The following CD86 variants were observed in gnomAD, a reference collection of about 807,000 sequenced individuals.
The protein encoded by CD86 is CD86 molecule.
In CD86, 11 loss-of-function variants were observed where a neutral mutation model predicts 32.1. The ratio of observed to expected loss-of-function variants is 0.34; its 90% CI spans 0.22 to 0.57. The LOEUF (loss-of-function observed/expected upper bound fraction) is 0.57. Among genes scored for constraint, CD86 ranks in the 20% least tolerant of loss-of-function variants. CD86 has a pLI of 0.86. For missense variants in CD86, 359 were observed against 398.4 expected, an observed-to-expected ratio of 0.90 and a Z score of 0.84; for synonymous variants, 137 against 135.3, an observed-to-expected ratio of 1.01 and a Z score of -0.09.
At chr3:122,055,551 G>A (rs2072221122) in intron 1 of CD86, 48 bp downstream of exon 1, 4 of 1,557,678 alleles carry the variant, frequency 2.6e-6, no homozygotes, top group Non-Finnish European at 2.7e-6. Flanking sequence ...AGTTGTGACT[G>A]CAGTGAAAGG....
rs1027791878 is a variant in CD86 at position 122,112,096 on chromosome 3, A to G, written c.847+2688A>G. Among the ~76,000 whole-genome samples, 4 of 152,114 alleles carry G rather than the reference A, an allele frequency of 2.6e-5. No individual in the cohort carries two copies. In the East Asian group the frequency reaches 5.8e-4, roughly 22 times the overall value. ...TCTTTTCCCAAACAGAAATCACCCT[A>G]TCAGCTTACCCATTGGGAGAAAAAC... On this transcript the variant is annotated intron_variant, in intron 5 of 6. Coordinates refer to ENST00000330540, the MANE Select transcript of CD86 (RefSeq NM_175862.5).
At chr3:122,102,524 T>C (rs908030853) in intron 2 of CD86, among the ~76,000 whole-genome samples, 3 of 147,060 alleles carry the variant, frequency 2.0e-5, no homozygotes, top group African/African-American at 7.5e-5. Context: ...CCCACATCCT[T>C]CCCACAAACC....
intron 3 of CD86, 145 bp downstream of exon 3, chr3:122,103,992 G>A (rs1212279373): frequency 3.1e-6 from 2 of 647,690 alleles, no homozygotes; most frequent in Non-Finnish European, 5.4e-6. Flanking sequence ...CCACTTCTGG[G>A]AAGTGCATTT....
chr3:122,055,505 T>C lies in CD86; in HGVS notation c.14+2T>C. On this transcript the variant is annotated splice_donor_variant, in intron 1 of 6. Transcript: ENST00000330540. LOFTEE classifies it high-confidence loss of function. ...AGCAGCCAAAATGGATCCCCAGTGGTGAGTAATAATTCTTATTCTTTGCAG... is the reference window on the plus strand; with the variant it reads ...AGCAGCCAAAATGGATCCCCAGTGGCGAGTAATAATTCTTATTCTTTGCAG... The C allele has an allele frequency of 6.2e-7, 1 of 1,613,858 alleles. No individual in the cohort carries two copies.
In CD86 at chr3:122,096,233, T is replaced by C. The variant is rs936793688; in HGVS notation, c.64+4583T>C. Reference sequence around the variant, plus strand: ...AGTACATGCCACCATGCCTGGCTAGTTTTTTTTGTTGTTGTTTTGTTTTGC... The same window carrying C: ...AGTACATGCCACCATGCCTGGCTAGCTTTTTTTGTTGTTGTTTTGTTTTGC... On this transcript the variant is annotated intron_variant, in intron 2 of 6. Transcript: ENST00000330540. Among the ~76,000 whole-genome samples the C allele has an allele frequency of 5.9e-5, 9 of 151,776 alleles. No homozygotes were observed. In the South Asian group the frequency reaches 1.0e-3, roughly 18 times the overall value.
chr3:122,062,744 C>T (rs991705136), intron 1 of CD86, among the ~76,000 whole-genome samples: 4 of 152,144 alleles, frequency 2.6e-5, no homozygotes, highest in Non-Finnish European at 5.9e-5. Flanking sequence ...TCAGTGTCCT[C>T]TGTAAGATGA....
At chr3:122,087,245 C>G (rs1346578746) in intron 1 of CD86, among the ~76,000 whole-genome samples, 1 of 152,142 alleles carries the variant, frequency 6.6e-6, no homozygotes, top group African/African-American at 2.4e-5. Flanking sequence ...TATTCATAGA[C>G]CTTATTCTGT....
chr3:122,071,054 A>G (rs1195232807), intron 1 of CD86, among the ~76,000 whole-genome samples: 1 of 152,118 alleles, frequency 6.6e-6, no homozygotes, highest in African/African-American at 2.4e-5. Flanking sequence ...GTGGAACACA[A>G]TTTCCCCTAT....
chr3:122,111,066 C>A (rs756445198), intron 5 of CD86, among the ~76,000 whole-genome samples: 1 of 152,152 alleles, frequency 6.6e-6, no homozygotes, highest in East Asian at 1.9e-4. Context: ...TCTGTAGGTA[C>A]AGATGAGATG....
At chr3:122,080,071 G>T (rs192620047) in intron 1 of CD86, among the ~76,000 whole-genome samples, 1 of 152,132 alleles carries the variant, frequency 6.6e-6, no homozygotes, top group African/African-American at 2.4e-5. Flanking sequence ...GGGAGAGAAG[G>T]CCCCTCAAGT....
intron 1 of CD86, among the ~76,000 whole-genome samples, 179 bp downstream of exon 1, chr3:122,055,682 C>A (rs548171321): frequency 4.6e-5 from 7 of 152,160 alleles, no homozygotes; most frequent in Non-Finnish European, 1.0e-4. Flanking sequence ...ATGCCCAAAG[C>A]AGTTCATTGG....
intron 1 of CD86, among the ~76,000 whole-genome samples, chr3:122,068,501 C>A (rs1209388621): frequency 3.9e-5 from 6 of 152,156 alleles, no homozygotes; most frequent in Non-Finnish European, 7.3e-5. Context: ...TAAATGCACA[C>A]CCTTAGACAA....
chr3:122,105,651 G>A (rs1414477535), intron 3 of CD86, among the ~76,000 whole-genome samples: 2 of 152,040 alleles, frequency 1.3e-5, no homozygotes, highest in Non-Finnish European at 2.9e-5. Context: ...ACACTTTGAT[G>A]CTCATGCCAA....
intron 5 of CD86, among the ~76,000 whole-genome samples, chr3:122,112,304 AT>A (rs1371805931): frequency 2.0e-5 from 3 of 150,986 alleles, no homozygotes; most frequent in African/African-American, 4.9e-5. Flanking sequence ...AATTATTATT[AT>A]TTTTTTTTAA....
At chr3:122,094,551 C>T (rs867916174) in intron 2 of CD86, among the ~76,000 whole-genome samples, 11 of 152,202 alleles carry the variant, frequency 7.2e-5, no homozygotes, top group Non-Finnish European at 1.6e-4. Flanking sequence ...TCTTTCTTCT[C>T]AGGGCACACC....
chr3:122,064,069 G>C (rs1035418965), intron 1 of CD86, among the ~76,000 whole-genome samples: 1 of 152,084 alleles, frequency 6.6e-6, no homozygotes, highest in African/African-American at 2.4e-5. Flanking sequence ...CCAAACAAGA[G>C]AGAAAGGGGA....
chr3:122,093,775 A>G (rs2072864802), intron 2 of CD86, among the ~76,000 whole-genome samples: 1 of 152,264 alleles, frequency 6.6e-6, no homozygotes, highest in South Asian at 2.1e-4. Context: ...GAGCCTCACA[A>G]TAACTCTCTG....
chr3:122,110,846 T>A (rs2073161344), intron 5 of CD86, among the ~76,000 whole-genome samples: 1 of 152,218 alleles, frequency 6.6e-6, no homozygotes. Flanking sequence ...TATGAAGAAG[T>A]GACTTACATC....
chr3:122,106,174 T>G, intron 3 of CD86, 24 bp from the exon 4 acceptor site: 2 of 1,537,998 alleles, frequency 1.3e-6, no homozygotes, highest in Non-Finnish European at 1.8e-6. Context: ...GATTGATTTT[T>G]TTTTATCTCT....
Sources: gnomAD v4.1 joint callset for allele counts (sites outside exome capture counted in the v4.1 genomes callset) on GRCh38, gnomAD v4.1.1 for gene constraint, MANE v1.5 for transcripts, NCBI Gene and HGNC (gene_info 2026-07-23, HGNC 2026-07-21) for gene names.